The following SPTBN5 variants were observed in gnomAD, a reference collection of about 807,000 sequenced individuals.
The protein encoded by SPTBN5 is spectrin beta chain, non-erythrocytic 5.
Under a neutral mutation model 477.6 loss-of-function variants are expected in SPTBN5, and 513 were observed. That is an observed-to-expected ratio of 1.07 (90% confidence interval 1.00 to 1.16). The LOEUF is 1.16. Ranked by LOEUF, SPTBN5 falls within the 50% of genes most tolerant of loss-of-function variation. The pLI, the probability that SPTBN5 is intolerant of heterozygous loss-of-function variation, is 0.00. For missense variants in SPTBN5, 5,062 were observed against 4,731.8 expected (o/e 1.07, Z -2.05); for synonymous variants, 2,169 against 2,011.7 (o/e 1.08, Z -2.09).
At chr15:41,859,135 T>C (rs1595453619) in intron 47 of SPTBN5, among the ~76,000 whole-genome samples, 155 bp from the exon 48 acceptor site, 1 of 152,192 alleles carries the variant, frequency 6.6e-6, no homozygotes, top group Non-Finnish European at 1.5e-5. Flanking sequence ...TTTGTGTCTG[T>C]TATGCGCCGG....
rs527405877 is a variant in SPTBN5, at chr15:41,878,625, C to T, written c.3187G>A (p.Glu1063Lys). The T allele has an allele frequency of 1.2e-5, 19 of 1,609,542 alleles. No homozygotes were observed. Among genetic ancestry groups the T allele is most frequent in the African/African-American group, 5.3e-5 (4 of 74,958 alleles). Residue 1063 changes from glutamate (E) to lysine (K), a missense_variant, in exon 17 of 68, where the codon GAG becomes AAG. Physicochemically the swap from Glu to Lys is moderately conservative, Grantham distance 56. Coordinates refer to ENST00000320955, the MANE Select transcript of SPTBN5 (RefSeq NM_016642.4). ...TGGCTCTCTGCGTAGCCTGGCTCCT[C>T]GACCCTGGGAGACAGGGTGCGCTGC... is the stretch of plus-strand genomic sequence containing the variant. Reference protein sequence around the residue: ...HFLQSVVVKVEEPGYAESQPL... With the variant: ...HFLQSVVVKVKEPGYAESQPL...
chr15:41,853,113 C>G (rs944146902), intron 59 of SPTBN5, 113 bp from the exon 60 acceptor site: 202 of 1,427,390 alleles, frequency 1.4e-4, no homozygotes, highest in Non-Finnish European at 1.7e-4. Context: ...CTGTGAGACC[C>G]GCACCTGCCC....
rs186324989 is a variant in SPTBN5 at position 41,861,695 on chromosome 15, G to A, written c.7737+40C>T. 3,441 of 1,517,372 alleles carry A rather than the reference G, an allele frequency of 2.3e-3. 4 individuals are homozygous for A. Among genetic ancestry groups the A allele is most frequent in the Non-Finnish European group, 2.9e-3 (3,301 of 1,134,598 alleles). The allele number at this position is 1,517,372 out of a possible 1,614,324, so 94.0% of individuals were successfully genotyped here. A position where few individuals can be genotyped will look rare whatever the true frequency, so the allele number is the denominator to read the frequency against. ...TGTGGGGTCAGCGCAGGCCCTGTTC[G>A]GGGGGGCAAGATGCAGGCTGGGGAT... On this transcript the variant is annotated intron_variant, in intron 45 of 67. Coordinates refer to ENST00000320955, the MANE Select transcript of SPTBN5 (RefSeq NM_016642.4).
chr15:41,862,029 G>A (rs2066127247), intron 44 of SPTBN5, 101 bp downstream of exon 44: 10 of 1,514,388 alleles, frequency 6.6e-6, no homozygotes, highest in Non-Finnish European at 8.8e-6. Context: ...AGATAGGCAG[G>A]GCGGGACACT....
chr15:41,853,331 C>T lies in SPTBN5; in HGVS notation c.10097G>A (p.Cys3366Tyr). The change falls in exon 59 of 68, where the codon TGC becomes TAC. Residue 3366 changes from cysteine to tyrosine, a missense_variant. Transcript: ENST00000320955. ...HEELGQEIRE[C>Y]RLQAQDLRQE... ...CCGCAGGTCCTGGGCTTGAAGGCGG[C>T]ACTCCCTGATTTCTTGCCCCAGCTC... is the stretch of plus-strand genomic sequence containing the variant. The T allele has an allele frequency of 1.2e-6, 2 of 1,612,808 alleles. No homozygotes were observed. Among genetic ancestry groups the T allele is most frequent in the East Asian group, 2.2e-5 (1 of 44,856 alleles).
intron 43 of SPTBN5, 34 bp from the exon 44 acceptor site, chr15:41,862,326 C>T (rs1454442360): frequency 6.4e-7 from 1 of 1,561,786 alleles, no homozygotes; most frequent in East Asian, 2.3e-5. Context: ...GTCGTCAGGC[C>T]TTCAAACCCC....
rs2067371697 is a variant in SPTBN5, at chr15:41,893,296, A to C, written c.202T>G (p.Phe68Val). 7 of 1,614,016 alleles carry C rather than the reference A, an allele frequency of 4.3e-6. No homozygotes were observed. The highest frequency in any genetic ancestry group is 5.9e-6 in the Non-Finnish European group (7 of 1,179,894). Residue 68 changes from phenylalanine (F) to valine (V), a missense_variant, in exon 2 of 68, where the codon TTC (phenylalanine) becomes GTC (valine). Phe to Val is a conservative substitution (Grantham distance 50). Coordinates refer to ENST00000320955, the MANE Select transcript of SPTBN5 (RefSeq NM_016642.4). The stretch of plus-strand genomic sequence containing the variant: ...GCTATACTCACCTGGCCGCACTGGA[A>C]GACGTTATTGATCCACTTGGTGAAA... ...KTFTKWINNV[F>V]QCGQAGIKIR...
Position 41,870,436 on chromosome 15 carries a change from C to A in SPTBN5, c.5562+10G>T. 2 of 1,613,100 alleles carry A rather than the reference C, an allele frequency of 1.2e-6. No homozygotes were observed. Among genetic ancestry groups the A allele is most frequent in the Non-Finnish European group, 1.7e-6 (2 of 1,179,418 alleles). ...GTGTATCCACTTCTAGCCACCCCTC[C>A]GGCTCACACCTGGACCTGGGTGAGG... On this transcript the variant is annotated intron_variant, in intron 30 of 67. Coordinates refer to ENST00000320955, the MANE Select transcript of SPTBN5 (RefSeq NM_016642.4).
chr15:41,871,722 C>A, intron 28 of SPTBN5, 60 bp downstream of exon 28: 1 of 1,448,470 alleles, frequency 6.9e-7, no homozygotes, highest in Non-Finnish European at 9.1e-7. Flanking sequence ...CCAGAGCCAG[C>A]TTCCCCACCC....
At chr15:41,876,524 T>C in intron 20 of SPTBN5, 24 bp downstream of exon 20, 2 of 1,565,706 alleles carry the variant, frequency 1.3e-6, no homozygotes, top group Non-Finnish European at 8.7e-7. Context: ...GGAGGCGTCA[T>C]GCGACCTGGG....
intron 56 of SPTBN5, among the ~76,000 whole-genome samples, chr15:41,854,416 G>A (rs1178300164): frequency 6.6e-6 from 1 of 151,338 alleles, no homozygotes; most frequent in Non-Finnish European, 1.5e-5. Context: ...GGGGAGGGTG[G>A]GGAGAGGAGA....
In SPTBN5 at chr15:41,878,329, C is replaced by CTCCTG; in HGVS notation, c.3470+8_3470+12dup. The CTCCTG allele has an allele frequency of 6.2e-7, 1 of 1,612,384 alleles. No individual in the cohort carries two copies. Among genetic ancestry groups the CTCCTG allele is most frequent in the South Asian group, 1.1e-5 (1 of 91,006 alleles). On this transcript the variant is annotated intron_variant, in intron 17 of 67. Coordinates refer to ENST00000320955, the MANE Select transcript of SPTBN5 (RefSeq NM_016642.4). ...CAGCCCAAAGTGCACCCCTTCTGCC[C>CTCCTG]TCCTGTCCTGACCTCTCCTGCCACA...
chr15:41,877,905 G>A (rs1211289), intron 17 of SPTBN5, among the ~76,000 whole-genome samples: 99,222 of 152,054 alleles, frequency 0.65, 32,842 homozygotes, highest in East Asian at 0.98. Flanking sequence ...AGCCCATAAC[G>A]TCATCCCTGC....
intron 42 of SPTBN5, 41 bp downstream of exon 42, chr15:41,862,749 C>A: frequency 6.5e-7 from 1 of 1,547,260 alleles, no homozygotes; most frequent in Non-Finnish European, 8.7e-7. Flanking sequence ...GGGTCCTACT[C>A]AGGAGATGCC....
rs2065638029 is a variant in SPTBN5, at chr15:41,848,678, T to A, written c.11013-50A>T. Reference sequence around the variant, plus strand: ...AGTAGGGTATGGCCACCCCAGAATCTTCTCCAAACAAACACACACTGGTGC... The same window carrying A: ...AGTAGGGTATGGCCACCCCAGAATCATCTCCAAACAAACACACACTGGTGC... On this transcript the variant is annotated intron_variant, in intron 67 of 67. Transcript: ENST00000320955. 8 of 1,610,008 alleles carry A rather than the reference T, an allele frequency of 5.0e-6. No individual in the cohort carries two copies. In the East Asian group the frequency reaches 1.6e-4, roughly 31 times the overall value.
intron 63 of SPTBN5, among the ~76,000 whole-genome samples, 195 bp downstream of exon 63, chr15:41,851,584 T>A (rs1197663): frequency 1.0e-4 from 13 of 124,380 alleles, no homozygotes; most frequent in African/African-American, 3.9e-4. Context: ...CACCTCCTGG[T>A]GGGGGTGGGT....
intron 63 of SPTBN5, 75 bp from the exon 64 acceptor site, chr15:41,851,444 A>T: frequency 9.3e-7 from 1 of 1,079,048 alleles, no homozygotes; most frequent in Non-Finnish European, 1.4e-6. Context: ...ACGCCTCACC[A>T]TGTGTGTGGA....
At position 41,855,561 on chromosome 15, in the gene SPTBN5, T is replaced by C; in HGVS notation, c.9206A>G (p.Lys3069Arg). ...GGCTTCCGCCCACCTTTCTGGGTTC[T>C]TCCTGCTCTCCAGGAGTGCTGCTGT... is the stretch of plus-strand genomic sequence containing the variant. ...QQTAALLESR[K>R]NPESPKVLAQ... The change falls in exon 54 of 68, where the codon AAG (lysine) becomes AGG (arginine). Residue 3069 changes from lysine to arginine, a missense_variant. Physicochemically the swap from Lys to Arg is conservative, Grantham distance 26. Transcript: ENST00000320955. 1 of 1,610,418 alleles carries C rather than the reference T, an allele frequency of 6.2e-7. No individual in the cohort carries two copies. Among genetic ancestry groups the C allele is most frequent in the Non-Finnish European group, 8.5e-7 (1 of 1,178,266 alleles).
intron 53 of SPTBN5, 59 bp downstream of exon 53, chr15:41,856,327 G>C: frequency 7.0e-7 from 1 of 1,432,130 alleles, no homozygotes; most frequent in Non-Finnish European, 9.3e-7. Context: ...TGACCTCCCA[G>C]CCGCACTCGC....
Sources: allele counts gnomAD v4.1 joint callset (sites outside exome capture counted in the v4.1 genomes callset), GRCh38; gene constraint gnomAD v4.1.1; transcripts MANE v1.5; gene names NCBI Gene and HGNC (gene_info 2026-07-23, HGNC 2026-07-21).